The following ADARB2 variants were observed in gnomAD, a reference collection of about 807,000 sequenced individuals.
ADARB2 encodes adenosine deaminase RNA specific B2 (inactive).
A neutral mutation model predicts 62.2 loss-of-function variants in ADARB2; 25 were observed. The observed-to-expected ratio is 0.40, with a 90% CI of 0.29 to 0.56. The LOEUF (loss-of-function observed/expected upper bound fraction) is 0.56. Among genes scored for constraint, ADARB2 ranks in the 20% least tolerant of loss-of-function variants. The probability of loss-of-function intolerance (pLI) is 0.43; values close to 1 mark genes in which losing one functional copy is unlikely to be tolerated. For synonymous variants in ADARB2, 572 were observed against 500.8 expected (o/e 1.14, Z -1.90); for missense variants, 1,071 against 1,077.4 (o/e 0.99, Z 0.08).
chr10:1,322,509 G>A (rs186575748), intron 3 of ADARB2, among the ~76,000 whole-genome samples: 1 of 152,286 alleles, frequency 6.6e-6, no homozygotes, highest in Non-Finnish European at 1.5e-5. Context: ...ATTGGAGAAT[G>A]ATGAGAAAAG....
At chr10:1,443,736 G>A (rs1235108750) in intron 1 of ADARB2, among the ~76,000 whole-genome samples, 2 of 152,042 alleles carry the variant, frequency 1.3e-5, no homozygotes, top group East Asian at 3.9e-4. Context: ...AGTAAAAATC[G>A]ATTAAATGAG....
intron 3 of ADARB2, among the ~76,000 whole-genome samples, chr10:1,309,828 T>C (rs534902106): frequency 1.3e-5 from 2 of 152,132 alleles, no homozygotes; most frequent in Admixed American, 6.5e-5. Flanking sequence ...CATTTGCTGC[T>C]CTCCCGGCCC....
intron 1 of ADARB2, among the ~76,000 whole-genome samples, chr10:1,613,327 G>A (rs919545585): frequency 6.6e-6 from 1 of 152,008 alleles, no homozygotes; most frequent in Non-Finnish European, 1.5e-5. Flanking sequence ...TTTTTTTTAA[G>A]CAAAAATATA....
intron 3 of ADARB2, among the ~76,000 whole-genome samples, chr10:1,337,280 G>A (rs1831983522): frequency 6.6e-6 from 1 of 152,112 alleles, no homozygotes; most frequent in Non-Finnish European, 1.5e-5. Flanking sequence ...TCTCACTCAG[G>A]ATTTAGACTC....
rs1437898460 is a variant in ADARB2 at position 1,426,681 on chromosome 10, G to C, written c.101-47521C>G. Among the ~76,000 whole-genome samples, 1 of 152,186 alleles carries C rather than the reference G, an allele frequency of 6.6e-6. No individual in the cohort carries two copies. Among genetic ancestry groups the C allele is most frequent in the East Asian group, 1.9e-4 (1 of 5,168 alleles). ...CTGAGCTTCTGAGACTCGGAGACCA[G>C]TGAACCTGCTTGCCACCCTGGGCAA... On this transcript the variant is annotated intron_variant, in intron 1 of 9. Coordinates refer to ENST00000381312, the MANE Select transcript of ADARB2 (RefSeq NM_018702.4). This position sits in a 1 kb window ranked among gnomAD's most constrained non-coding sequence, Gnocchi z 4.1.
intron 1 of ADARB2, among the ~76,000 whole-genome samples, chr10:1,679,090 C>T (rs1396763704): frequency 6.6e-6 from 1 of 152,182 alleles, no homozygotes; most frequent in Non-Finnish European, 1.5e-5. Context: ...GGCCCCATTT[C>T]CAGAGAGGCA....
At chr10:1,254,793 T>C (rs953495296) in intron 4 of ADARB2, among the ~76,000 whole-genome samples, 7 of 152,244 alleles carry the variant, frequency 4.6e-5, no homozygotes, top group African/African-American at 1.7e-4. Flanking sequence ...CTCTTGAGCG[T>C]TGCACACATA....
At chr10:1,613,618 CATGCTGTA>C (rs1200166835) in intron 1 of ADARB2, among the ~76,000 whole-genome samples, 5 of 152,244 alleles carry the variant, frequency 3.3e-5, no homozygotes, top group African/African-American at 1.2e-4. Flanking sequence ...TCCAGGTTTA[CATGCTGTA>C]ATCGTGTTCA....
At chr10:1,437,643 G>A (rs76436910) in intron 1 of ADARB2, among the ~76,000 whole-genome samples, 12,524 of 152,172 alleles carry the variant, frequency 0.082, 624 homozygotes, top group East Asian at 0.23. Flanking sequence ...AAGAAGGGAG[G>A]GATCCAAGTG....
intron 3 of ADARB2, among the ~76,000 whole-genome samples, chr10:1,338,179 C>T (rs1348598838): frequency 6.6e-6 from 1 of 152,214 alleles, no homozygotes; most frequent in Non-Finnish European, 1.5e-5. Flanking sequence ...TAGGGAGTGT[C>T]TTAAGGAATG....
At chr10:1,527,060 G>GA (rs1832155873) in intron 1 of ADARB2, among the ~76,000 whole-genome samples, 1 of 152,222 alleles carries the variant, frequency 6.6e-6, no homozygotes, top group Non-Finnish European at 1.5e-5. Context: ...TTAACCAAGT[G>GA]ACCACAGACG....
intron 1 of ADARB2, among the ~76,000 whole-genome samples, chr10:1,552,912 C>G (rs1318185479): frequency 3.3e-5 from 3 of 91,714 alleles, no homozygotes; most frequent in Non-Finnish European, 7.9e-5. Flanking sequence ...GGAACGGAAC[C>G]CTTAATTAAT....
At chr10:1,301,758 AG>A (rs1335454167) in intron 3 of ADARB2, among the ~76,000 whole-genome samples, 5 of 152,236 alleles carry the variant, frequency 3.3e-5, no homozygotes, top group African/African-American at 1.2e-4. Context: ...AATCCTGCCA[AG>A]TAGCTAATTT....
chr10:1,246,848 A>G (rs1589164618), intron 4 of ADARB2, among the ~76,000 whole-genome samples: 2 of 151,738 alleles, frequency 1.3e-5, no homozygotes, highest in African/African-American at 4.8e-5. Flanking sequence ...TATGAACTTT[A>G]GTTTTTTCCA....
At chr10:1,543,556 C>T (rs1832471203) in intron 1 of ADARB2, among the ~76,000 whole-genome samples, 1 of 152,188 alleles carries the variant, frequency 6.6e-6, no homozygotes, top group African/African-American at 2.4e-5. Flanking sequence ...TTTATTCGGG[C>T]TGGGAGCTAT....
At chr10:1,221,672 G>GT (rs1461978939) in intron 6 of ADARB2, among the ~76,000 whole-genome samples, 3 of 151,736 alleles carry the variant, frequency 2.0e-5, no homozygotes, top group Admixed American at 6.6e-5. Flanking sequence ...GCGGTGTTTG[G>GT]TTTTTTGTCC....
At chr10:1,256,556 G>A (rs974565721) in intron 4 of ADARB2, among the ~76,000 whole-genome samples, 1 of 152,184 alleles carries the variant, frequency 6.6e-6, no homozygotes, top group African/African-American at 2.4e-5. Context: ...GGCATTCTGA[G>A]TGCATAAAAC....
intron 1 of ADARB2, among the ~76,000 whole-genome samples, chr10:1,411,810 G>A (rs1055230841): frequency 5.3e-5 from 8 of 152,208 alleles, no homozygotes; most frequent in South Asian, 2.1e-4. Context: ...GCCCCTCAGC[G>A]CTTGATAAAT....
intron 1 of ADARB2, among the ~76,000 whole-genome samples, chr10:1,481,810 T>C (rs1203534197): frequency 6.6e-6 from 1 of 150,960 alleles, no homozygotes; most frequent in Non-Finnish European, 1.5e-5. Flanking sequence ...TGAGCTGAGA[T>C]TGTGCCACTG....
Sources: gnomAD v4.1 joint callset for allele counts (sites outside exome capture counted in the v4.1 genomes callset) on GRCh38, gnomAD v4.1.1 for gene constraint, Gnocchi (gnomAD v3.1) non-coding constraint, MANE v1.5 for transcripts, NCBI Gene and HGNC (gene_info 2026-07-23, HGNC 2026-07-21) for gene names.